The following SLC30A7 variants were observed in gnomAD, a reference collection of about 807,000 sequenced individuals.
The protein encoded by SLC30A7 is zinc transporter 7.
SLC30A7 carries 35 observed loss-of-function variants against 46.0 expected under a neutral mutation model. That is an observed-to-expected ratio of 0.76 (90% CI 0.58 to 1.01). The LOEUF is 1.01. SLC30A7 is among the 50% of genes least tolerant of loss of function. SLC30A7 has a pLI of 0.00. For synonymous variants in SLC30A7, 147 were observed against 157.8 expected, an observed-to-expected ratio of 0.93 and a Z score of 0.51; for missense variants, 464 against 451.1, an observed-to-expected ratio of 1.03 and a Z score of -0.26.
At position 100,965,877 on chromosome 1, in the gene SLC30A7, G is replaced by A. The variant is rs763602102; in HGVS notation, c.1042G>A (p.Ala348Thr). 2 of 1,613,856 alleles carry A rather than the reference G, an allele frequency of 1.2e-6. No individual in the cohort carries two copies. The highest frequency in any genetic ancestry group is 2.2e-5 in the East Asian group (1 of 44,856). The change falls in exon 10 of 11, where the codon GCT becomes ACT. Residue 348 changes from alanine (A) to threonine (T), a missense_variant. Physicochemically the swap from Ala to Thr is moderately conservative, Grantham distance 58 (BLOSUM62 0). Transcript: ENST00000357650. Reference sequence around the variant, plus strand: ...ATTAATAGTAGCACCTGATGCTGATGCTAGGTGGATTTTAAGCCAAACACA... The same window carrying A: ...ATTAATAGTAGCACCTGATGCTGATACTAGGTGGATTTTAAGCCAAACACA... ...LKLIVAPDADARWILSQTHNI... is the reference protein window; with the variant it reads ...LKLIVAPDADTRWILSQTHNI...
downstream of SLC30A7, among the ~76,000 whole-genome samples, chr1:100,981,990 G>T (rs764927823): frequency 6.6e-6 from 1 of 152,122 alleles, no homozygotes. Context: ...AACATGTCTC[G>T]AAGTATTTAC....
chr1:100,904,807 G>C (rs1651544560), intron 2 of SLC30A7, among the ~76,000 whole-genome samples: 1 of 152,168 alleles, frequency 6.6e-6, no homozygotes, highest in Non-Finnish European at 1.5e-5. Flanking sequence ...TGAAGGCAGA[G>C]GGGTATTTGT....
chr1:100,906,949 G>C lies in SLC30A7; in HGVS notation c.280G>C (p.Asp94His), dbSNP rs1557975383. ...TGTTATTTCAAAATGGAGAGATAAT[G>C]ATGCTTTCTCCTATGGGTAAGACTT... ...ASVISKWRDNDAFSYGYVRAE... is the reference protein window; with the variant it reads ...ASVISKWRDNHAFSYGYVRAE... Residue 94 changes from aspartate (D) to histidine (H), a missense_variant, in exon 3 of 11, where the codon GAT becomes CAT. Transcript: ENST00000357650. The C allele has an allele frequency of 6.2e-7, 1 of 1,607,754 alleles. No individual in the cohort carries two copies. The highest frequency in any genetic ancestry group is 8.5e-7 in the Non-Finnish European group (1 of 1,174,496).
At chr1:100,956,195 T>G (rs1558003349) in intron 8 of SLC30A7, among the ~76,000 whole-genome samples, 1 of 152,106 alleles carries the variant, frequency 6.6e-6, no homozygotes, top group Non-Finnish European at 1.5e-5. Context: ...TTTCTAACAT[T>G]TTATTAAAAT....
intron 8 of SLC30A7, among the ~76,000 whole-genome samples, chr1:100,923,607 GT>G (rs1429167246): frequency 3.3e-5 from 5 of 152,018 alleles, no homozygotes; most frequent in Non-Finnish European, 5.9e-5. Context: ...GTGAAACCAT[GT>G]TTCTACAAAA....
intron 2 of SLC30A7, among the ~76,000 whole-genome samples, chr1:100,906,489 G>A (rs1489960671): frequency 2.0e-5 from 3 of 152,066 alleles, no homozygotes; most frequent in Non-Finnish European, 4.4e-5. Flanking sequence ...AAGATCCTGG[G>A]TGCAAGCAGG....
chr1:100,992,685 G>A, the SLC30A7 span: 1 of 1,613,912 alleles, frequency 6.2e-7, no homozygotes, highest in Non-Finnish European at 8.5e-7. Flanking sequence ...TCCAGAAGCT[G>A]CTGGGCTGCT....
chr1:100,903,355 GTC>G (rs371134971), intron 2 of SLC30A7, among the ~76,000 whole-genome samples: 29 of 152,108 alleles, frequency 1.9e-4, no homozygotes, highest in Non-Finnish European at 3.7e-4. Flanking sequence ...CTTCACATGA[GTC>G]TTTCATACTT....
rs1163426120 is a variant in SLC30A7, at chr1:100,975,851, TTTTTA to T, written c.*995_*999del. 2.0e-5 allele frequency: 3 copies of T among 149,142 alleles called. No individual in the cohort carries two copies. The East Asian group carries it at 5.9e-4, about 29-fold the overall frequency. The allele number at this position is 149,142 out of a possible 1,614,324, so 9.2% of individuals were successfully genotyped here. A position where few individuals can be genotyped will look rare whatever the true frequency, so the allele number is the denominator to read the frequency against. On this transcript the variant is annotated 3_prime_UTR_variant, in exon 11 of 11. Coordinates refer to ENST00000357650, the MANE Select transcript of SLC30A7 (RefSeq NM_133496.5). ...ATGTTTTTTTTTTTTTTTTTTTTTT[TTTTTA>T]ACAATGGATATTCTGTAAAATATCC...
chr1:100,916,044 T>C (rs906297946), intron 6 of SLC30A7, among the ~76,000 whole-genome samples: 5 of 152,314 alleles, frequency 3.3e-5, no homozygotes, highest in Non-Finnish European at 5.9e-5. Flanking sequence ...CATCTTTTAA[T>C]GTACCTGTTG....
At chr1:100,912,400 C>T (rs967088444) in intron 5 of SLC30A7, among the ~76,000 whole-genome samples, 162 bp downstream of exon 5, 3 of 152,212 alleles carry the variant, frequency 2.0e-5, no homozygotes, top group African/African-American at 7.2e-5. Flanking sequence ...CCCTCCATCT[C>T]AGTGCCTTCT....
intron 3 of SLC30A7, among the ~76,000 whole-genome samples, chr1:100,909,804 C>A (rs1481183733): frequency 2.0e-5 from 3 of 152,016 alleles, no homozygotes; most frequent in Admixed American, 1.3e-4. Flanking sequence ...AAGTCAAGCA[C>A]AAAAGGTTTT....
chr1:100,907,600 C>T (rs1191469277), intron 3 of SLC30A7, among the ~76,000 whole-genome samples: 1 of 152,126 alleles, frequency 6.6e-6, no homozygotes, highest in African/African-American at 2.4e-5. Context: ...TATGTGTAAG[C>T]AGAGCTCAGG....
At chr1:100,992,307 T>C in the SLC30A7 span, among the ~76,000 whole-genome samples, 21,645 of 152,046 alleles carry the variant, frequency 0.14, 1,546 homozygotes, top group Non-Finnish European at 0.15. Context: ...GATCTCACCA[T>C]TGATTAGGGA....
At chr1:100,931,152 AT>A (rs1653641819) in intron 8 of SLC30A7, among the ~76,000 whole-genome samples, 1 of 152,152 alleles carries the variant, frequency 6.6e-6, no homozygotes, top group African/African-American at 2.4e-5. Context: ...TAAGAACCTA[AT>A]TATGTAAGAA....
intron 10 of SLC30A7, among the ~76,000 whole-genome samples, chr1:100,969,315 T>C (rs1224285962): frequency 6.6e-6 from 1 of 152,172 alleles, no homozygotes; most frequent in Non-Finnish European, 1.5e-5. Context: ...TCACTGACAT[T>C]TCCAGATTAT....
At chr1:100,935,005 A>G (rs574143216) in intron 8 of SLC30A7, among the ~76,000 whole-genome samples, 2 of 152,292 alleles carry the variant, frequency 1.3e-5, no homozygotes, top group East Asian at 1.9e-4. Flanking sequence ...CTGTCCCACA[A>G]AAAGAAAAAA....
At chr1:100,929,321 TAAAG>T (rs923631757) in intron 8 of SLC30A7, among the ~76,000 whole-genome samples, 2 of 152,016 alleles carry the variant, frequency 1.3e-5, no homozygotes, top group Admixed American at 1.3e-4. Context: ...AAGTACAAAA[TAAAG>T]AAATTCTAGT....
chr1:100,965,921 A>T lies in SLC30A7; in HGVS notation c.1083+3A>T. The T allele has an allele frequency of 6.2e-7, 1 of 1,603,146 alleles. No individual in the cohort carries two copies. Among genetic ancestry groups the T allele is most frequent in the Non-Finnish European group, 8.5e-7 (1 of 1,176,944 alleles). On this transcript the variant is annotated splice_donor_region_variant and intron_variant, in intron 10 of 10. Transcript: ENST00000357650. ...AAACACATAATATTTTTACTCAGGTATGTCTTTTTTACTAACTTCTTTTAA... is the reference window on the plus strand; with the variant it reads ...AAACACATAATATTTTTACTCAGGTTTGTCTTTTTTACTAACTTCTTTTAA...
Sources: allele counts gnomAD v4.1 joint callset (sites outside exome capture counted in the v4.1 genomes callset), GRCh38; gene constraint gnomAD v4.1.1; transcripts MANE v1.5; gene names NCBI Gene and HGNC (gene_info 2026-07-23, HGNC 2026-07-21).